Variants in FHIT observed in about 807,000 individuals in gnomAD.
FHIT encodes fragile histidine triad diadenosine triphosphatase.
In FHIT, 19 loss-of-function variants were observed where a neutral mutation model predicts 17.9. That is an observed-to-expected ratio of 1.06 (90% CI 0.74 to 1.56). The LOEUF is 1.56. Among genes scored for constraint, FHIT ranks in the 40% most tolerant of loss-of-function variants. The probability of loss-of-function intolerance (pLI) is 0.00; values close to 1 mark genes in which losing one functional copy is unlikely to be tolerated. For synonymous variants in FHIT, 81 were observed against 69.7 expected, an observed-to-expected ratio of 1.16 and a Z score of -0.81; for missense variants, 248 against 189.2, an observed-to-expected ratio of 1.31 and a Z score of -1.82.
intron 4 of FHIT, among the ~76,000 whole-genome samples, chr3:60,626,783 C>CTTTTTTTTTTTTTTTTTTTTTTTTT (rs71627548): frequency 1.2e-5 from 1 of 85,942 alleles, no homozygotes. Flanking sequence ...GGGGAAAACA[C>CTTTTTTTTTTTTTTTTTTTTTTTTT]TCTTTTTTTT....
chr3:60,811,828 A>C (rs1553736104), intron 4 of FHIT, among the ~76,000 whole-genome samples: 2 of 152,160 alleles, frequency 1.3e-5, no homozygotes, highest in Non-Finnish European at 2.9e-5. Flanking sequence ...AATAGGGATA[A>C]TATATATTTC....
At position 60,125,416 on chromosome 3, in the gene FHIT, G is replaced by A. The variant is rs1000135833; in HGVS notation, c.104-111264C>T. ...GGAGGCTGAGGCGGTCGGATCGCCTGAGGTCAGGAGTTTGAGACCAGCCTG... is the reference window on the plus strand; with the variant it reads ...GGAGGCTGAGGCGGTCGGATCGCCTAAGGTCAGGAGTTTGAGACCAGCCTG... On this transcript the variant is annotated intron_variant, in intron 5 of 9. Transcript: ENST00000492590. Among the ~76,000 whole-genome samples the A allele has an allele frequency of 2.0e-5, 3 of 152,096 alleles. No individual in the cohort carries two copies. In the South Asian group the frequency reaches 6.2e-4, roughly 32 times the overall value.
chr3:60,843,123 T>C (rs1553745566), intron 3 of FHIT, among the ~76,000 whole-genome samples: 1 of 152,080 alleles, frequency 6.6e-6, no homozygotes, highest in Non-Finnish European at 1.5e-5. Context: ...AAAATTCACG[T>C]AGGAATGGAG....
At chr3:60,373,478 C>A (rs1700422279) in intron 5 of FHIT, among the ~76,000 whole-genome samples, 1 of 152,082 alleles carries the variant, frequency 6.6e-6, no homozygotes, top group East Asian at 1.9e-4. Flanking sequence ...GCAGAGCCAC[C>A]ATCATAGGAG....
chr3:61,013,420 A>C (rs1455016091), intron 3 of FHIT, among the ~76,000 whole-genome samples: 3 of 152,336 alleles, frequency 2.0e-5, no homozygotes, highest in Admixed American at 1.3e-4. Context: ...TTCAAATAAC[A>C]ATCTTCTCCA....
At position 60,050,753 on chromosome 3, in the gene FHIT, G is replaced by A. The variant is rs540685585; in HGVS notation, c.104-36601C>T. Among the ~76,000 whole-genome samples the A allele has an allele frequency of 4.6e-5, 7 of 152,076 alleles. No homozygotes were observed. In the East Asian group the frequency reaches 9.7e-4, roughly 21 times the overall value. ...CTCAACTAGTTTATGAGCTCCTTAC[G>A]GACAGAGACCTAGATCCAGGCATCT... On this transcript the variant is annotated intron_variant, in intron 5 of 9. Coordinates refer to ENST00000492590, the MANE Select transcript of FHIT (RefSeq NM_002012.4).
chr3:59,912,755 T>C (rs1410430238), intron 8 of FHIT, among the ~76,000 whole-genome samples: 5 of 152,228 alleles, frequency 3.3e-5, no homozygotes, highest in South Asian at 2.1e-4. Context: ...GTTCCTTAGT[T>C]ACCACTAATG....
chr3:60,925,497 G>A (rs186592941), intron 3 of FHIT, among the ~76,000 whole-genome samples: 2 of 152,278 alleles, frequency 1.3e-5, no homozygotes, highest in African/African-American at 4.8e-5. Context: ...ATACTTAACA[G>A]ACAAGCAAAT....
intron 5 of FHIT, among the ~76,000 whole-genome samples, chr3:60,290,450 T>C (rs2106653000): frequency 1.3e-5 from 2 of 152,060 alleles, no homozygotes; most frequent in Middle Eastern, 6.8e-3. Flanking sequence ...AGCTGACCTA[T>C]GGAGAGCCTC....
At chr3:60,256,067 C>A (rs1355380227) in intron 5 of FHIT, among the ~76,000 whole-genome samples, 1 of 152,246 alleles carries the variant, frequency 6.6e-6, no homozygotes, top group Non-Finnish European at 1.5e-5. Context: ...ACCTTTATAC[C>A]TATGTGAGAT....
At chr3:60,709,100 G>C (rs1018574328) in intron 4 of FHIT, among the ~76,000 whole-genome samples, 7 of 152,202 alleles carry the variant, frequency 4.6e-5, no homozygotes, top group African/African-American at 1.7e-4. Flanking sequence ...AGGCCCCAAA[G>C]AGTTTGTGGT....
At chr3:60,202,060 T>C (rs187611670) in intron 5 of FHIT, among the ~76,000 whole-genome samples, 2 of 152,294 alleles carry the variant, frequency 1.3e-5, no homozygotes, top group Admixed American at 6.5e-5. Context: ...GTAGACTGTT[T>C]TGACTTTTTA....
chr3:60,312,016 A>G (rs7631389), intron 5 of FHIT, among the ~76,000 whole-genome samples: 86,953 of 152,002 alleles, frequency 0.57, 25,822 homozygotes, highest in East Asian at 0.96. Context: ...CGTGACCAGC[A>G]TGTTTTAAAC....
chr3:59,933,545 G>A (rs574110242), intron 7 of FHIT, among the ~76,000 whole-genome samples: 3 of 152,224 alleles, frequency 2.0e-5, no homozygotes, highest in African/African-American at 7.2e-5. Flanking sequence ...GCTGGCAAAA[G>A]TGGCCGAGTT....
At chr3:59,810,973 T>C (rs577206600) in intron 8 of FHIT, among the ~76,000 whole-genome samples, 32 of 152,354 alleles carry the variant, frequency 2.1e-4, no homozygotes, top group African/African-American at 7.7e-4. Context: ...AAAGAAAACA[T>C]ACTTGTGATG....
chr3:59,866,549 A>G (rs1368494889), intron 8 of FHIT, among the ~76,000 whole-genome samples: 7 of 152,220 alleles, frequency 4.6e-5, no homozygotes, highest in Non-Finnish European at 8.8e-5. Flanking sequence ...CATAGGCTGG[A>G]GGATCAACAA....
At chr3:60,504,801 G>A (rs975928581) in intron 5 of FHIT, among the ~76,000 whole-genome samples, 6 of 152,226 alleles carry the variant, frequency 3.9e-5, no homozygotes, top group Admixed American at 1.3e-4. Context: ...CTTTCTGCCC[G>A]GTAGTAAGCC....
intron 5 of FHIT, among the ~76,000 whole-genome samples, chr3:60,135,689 T>A (rs2107281793): frequency 6.6e-6 from 1 of 152,260 alleles, no homozygotes; most frequent in South Asian, 2.1e-4. Flanking sequence ...AGCAGAGGTC[T>A]CAGCAGCAGG....
intron 5 of FHIT, among the ~76,000 whole-genome samples, chr3:60,115,873 T>C (rs1445274890): frequency 1.5e-5 from 2 of 136,276 alleles, no homozygotes; most frequent in Non-Finnish European, 3.4e-5. Context: ...CAAAGACCTA[T>C]CCATATATGC....
Sources: allele counts gnomAD v4.1 joint callset (sites outside exome capture counted in the v4.1 genomes callset), GRCh38; gene constraint gnomAD v4.1.1; transcripts MANE v1.5; gene names NCBI Gene and HGNC (gene_info 2026-07-23, HGNC 2026-07-21).